The following PCDH11X variants were observed in gnomAD, a reference collection of about 807,000 sequenced individuals.
PCDH11X encodes protocadherin 11 X-linked.
A neutral mutation model predicts 53.3 loss-of-function variants in PCDH11X; 18 were observed. That is an observed-to-expected ratio of 0.34 (90% CI 0.23 to 0.50). The LOEUF (loss-of-function observed/expected upper bound fraction) is 0.50. Among genes scored for constraint, PCDH11X ranks in the 20% least tolerant of loss-of-function variants. PCDH11X has a pLI of 0.98. For synonymous variants in PCDH11X, 279 were observed against 393.3 expected (o/e 0.71, Z 3.44); for missense variants, 570 against 1,032.4 (o/e 0.55, Z 6.14).
At chrX:92,152,911 C>T (rs2065465343) in intron 6 of PCDH11X, among the ~76,000 whole-genome samples, 1 of 108,712 alleles carries the variant, frequency 9.2e-6, no homozygotes, top group South Asian at 4.1e-4. Flanking sequence ...GCTTCTCCTG[C>T]CTCAGTCTCC....
chrX:92,428,052 CTAG>C (rs2072165264), intron 9 of PCDH11X, among the ~76,000 whole-genome samples: 1 of 98,055 alleles, frequency 1.0e-5, no homozygotes, highest in African/African-American at 3.7e-5. Context: ...ATCTAATCTA[CTAG>C]TGTCATTGTA....
chrX:91,976,130 G>C (rs2062043139), intron 6 of PCDH11X, among the ~76,000 whole-genome samples: 1 of 111,451 alleles, frequency 9.0e-6, no homozygotes, highest in Non-Finnish European at 1.9e-5. Context: ...AGGGCTCACT[G>C]TAGCCTCAAC....
chrX:92,121,348 G>T (rs780141328), intron 6 of PCDH11X, among the ~76,000 whole-genome samples: 294 of 110,536 alleles, frequency 2.7e-3, no homozygotes, highest in Non-Finnish European at 4.0e-3. Context: ...AGAGATGAGG[G>T]TTTCACCAGG....
chrX:92,065,007 A>T (rs1467531213), intron 6 of PCDH11X, among the ~76,000 whole-genome samples: 2 of 105,295 alleles, frequency 1.9e-5, no homozygotes, highest in Non-Finnish European at 3.8e-5. Flanking sequence ...GAGCTGCAGG[A>T]TGGATTCCAG....
intron 5 of PCDH11X, among the ~76,000 whole-genome samples, chrX:91,856,053 CAG>C (rs1191793144): frequency 1.1e-5 from 1 of 95,079 alleles, no homozygotes; most frequent in African/African-American, 3.9e-5. Context: ...ATAGTGGTGA[CAG>C]GGGGCATCCT....
chrX:91,978,602 C>G (rs1363633581), intron 6 of PCDH11X, among the ~76,000 whole-genome samples: 1 of 110,109 alleles, frequency 9.1e-6, no homozygotes, highest in East Asian at 2.9e-4. Flanking sequence ...AGAGGAATCT[C>G]CCTATTTCTC....
intron 8 of PCDH11X, among the ~76,000 whole-genome samples, chrX:92,290,663 G>T (rs1011062080): frequency 9.1e-6 from 1 of 109,538 alleles, no homozygotes; most frequent in African/African-American, 3.3e-5. Flanking sequence ...AACTAAGTGG[G>T]CAAATATTTT....
chrX:92,491,606 T>C (rs2073768188), intron 10 of PCDH11X, among the ~76,000 whole-genome samples: 1 of 110,817 alleles, frequency 9.0e-6, no homozygotes, highest in African/African-American at 3.3e-5. Context: ...TCTACTCTCT[T>C]AGTAAACTTT....
chrX:92,552,500 C>A (rs1321008250), intron 10 of PCDH11X, among the ~76,000 whole-genome samples: 3 of 104,948 alleles, frequency 2.9e-5, no homozygotes, highest in Non-Finnish European at 5.9e-5. Context: ...AATTTGATTT[C>A]TTTCACTCCA....
At chrX:91,937,370 G>C (rs2061458028) in intron 6 of PCDH11X, among the ~76,000 whole-genome samples, 1 of 110,191 alleles carries the variant, frequency 9.1e-6, no homozygotes, top group African/African-American at 3.3e-5. Context: ...AGTAAAATCA[G>C]AATAATTTCC....
At chrX:91,854,808 T>C (rs962249575) in intron 5 of PCDH11X, among the ~76,000 whole-genome samples, 1 of 112,208 alleles carries the variant, frequency 8.9e-6, no homozygotes, top group African/African-American at 3.2e-5. Flanking sequence ...GAGAAATGCC[T>C]ATTCAAATCT....
chrX:91,994,317 C>T (rs1485926650), intron 6 of PCDH11X, among the ~76,000 whole-genome samples: 1 of 109,314 alleles, frequency 9.1e-6, no homozygotes, highest in Non-Finnish European at 1.9e-5. Context: ...TTTTCCTCAC[C>T]CTCCCAGCCC....
rs1310515028 is a variant in PCDH11X at position 92,134,193 on chromosome X, G to A, written c.3034-67182G>A. On this transcript the variant is annotated intron_variant, in intron 6 of 10. Transcript: ENST00000682573. The stretch of plus-strand genomic sequence containing the variant: ...GATATGCATTTGTCTCACATGAGCA[G>A]AGGGATGACTTTGAGTTCTGCCTGT... Among the ~76,000 whole-genome samples the A allele has an allele frequency of 2.0e-4, 22 of 111,743 alleles. No homozygotes were observed. The Admixed American group carries it at 2.1e-3, about 11-fold the overall frequency.
intron 8 of PCDH11X, among the ~76,000 whole-genome samples, chrX:92,370,694 G>A (rs771950059): frequency 1.8e-3 from 200 of 110,800 alleles, no homozygotes; most frequent in East Asian, 6.3e-3. Context: ...TCTTGACCTC[G>A]TGATCCGCCC....
rs757948193 is a variant in PCDH11X at position 91,982,927 on chromosome X, G to A, written c.3033+103654G>A. On this transcript the variant is annotated intron_variant, in intron 6 of 10. Transcript: ENST00000682573. ...TTCTTGTTCACTTTCTGGTAAATGA[G>A]GCCACCAAACTCTGTCCCGTCATTC... The A allele has an allele frequency of 1.4e-4, 143 of 1,058,643 alleles. 1 individual carries two copies. The South Asian group carries it at 2.4e-3, about 18-fold the overall frequency. The allele number at this position is 1,058,643 out of a possible 1,213,427, so 87.2% of individuals were successfully genotyped here.
chrX:91,815,814 A>G (rs1395328806), intron 4 of PCDH11X, among the ~76,000 whole-genome samples: 1 of 109,224 alleles, frequency 9.2e-6, no homozygotes, highest in Non-Finnish European at 1.9e-5. Context: ...GAATAAGTAA[A>G]TGTAAATGAA....
At chrX:92,195,368 C>T (rs1407836432) in intron 6 of PCDH11X, among the ~76,000 whole-genome samples, 1 of 111,401 alleles carries the variant, frequency 9.0e-6, no homozygotes, top group Non-Finnish European at 1.9e-5. Context: ...TTGCTCTTGA[C>T]GACAATTTCT....
Position 92,020,631 on chromosome X carries a change from C to G in PCDH11X, c.3033+141358C>G, listed in dbSNP as rs1377599690. The stretch of plus-strand genomic sequence containing the variant: ...TTTCCTCCTGCTAGTTCTGAGAAAT[C>G]TGGGCAGCCCAGATAGGTGGGATTC... On this transcript the variant is annotated intron_variant, in intron 6 of 10. Transcript: ENST00000682573. Among the ~76,000 whole-genome samples, 9 of 110,681 alleles carry G rather than the reference C, an allele frequency of 8.1e-5. No individual in the cohort carries two copies. In the Admixed American group the frequency reaches 8.6e-4, roughly 11 times the overall value.
At chrX:92,170,797 GT>G (rs1294644962) in intron 6 of PCDH11X, among the ~76,000 whole-genome samples, 14 of 92,742 alleles carry the variant, frequency 1.5e-4, no homozygotes, top group Non-Finnish European at 1.8e-4. Flanking sequence ...TTTGTTTTTT[GT>G]TTTTTTTTTT....
Sources: allele counts gnomAD v4.1 joint callset (sites outside exome capture counted in the v4.1 genomes callset), GRCh38; gene constraint gnomAD v4.1.1; transcripts MANE v1.5; gene names NCBI Gene and HGNC (gene_info 2026-07-23, HGNC 2026-07-21).